Variants in CNTN5 observed in about 807,000 individuals in gnomAD.
The protein encoded by CNTN5 is contactin-5.
CNTN5 carries 77 observed loss-of-function variants against 129.1 expected under a neutral mutation model. That is an observed-to-expected ratio of 0.60 (90% CI 0.50 to 0.72). The LOEUF (loss-of-function observed/expected upper bound fraction) is 0.72, where lower values mean the gene tolerates loss of function less well. Among genes scored for constraint, CNTN5 ranks in the 30% least tolerant of loss-of-function variants. The pLI is 0.00. For missense variants in CNTN5, 1,478 were observed against 1,328.8 expected (o/e 1.11, Z -1.75); for synonymous variants, 509 against 465.6 (o/e 1.09, Z -1.20).
intron 1 of CNTN5, among the ~76,000 whole-genome samples, chr11:99,245,027 T>A (rs1861745963): frequency 6.6e-6 from 1 of 152,214 alleles, no homozygotes; most frequent in Admixed American, 6.5e-5. Context: ...AAAATATACT[T>A]GCAAGATTAG....
intron 1 of CNTN5, among the ~76,000 whole-genome samples, chr11:99,076,640 T>A: frequency 6.6e-6 from 1 of 152,160 alleles, no homozygotes; most frequent in East Asian, 1.9e-4. Context: ...TGTCATCCTA[T>A]AGATATATTC....
chr11:100,001,514 G>A (rs1253871346), intron 8 of CNTN5, among the ~76,000 whole-genome samples: 1 of 152,162 alleles, frequency 6.6e-6, no homozygotes, highest in Non-Finnish European at 1.5e-5. Flanking sequence ...TTGATAGATA[G>A]CTTTTCTCCC....
At chr11:99,714,507 G>A (rs779096476) in intron 3 of CNTN5, among the ~76,000 whole-genome samples, 21 of 152,038 alleles carry the variant, frequency 1.4e-4, no homozygotes, top group Non-Finnish European at 1.6e-4. Flanking sequence ...TTGGATAAGA[G>A]AAAGAAGAAA....
At chr11:100,195,650 TA>T (rs1205778700) in intron 15 of CNTN5, among the ~76,000 whole-genome samples, 1 of 151,954 alleles carries the variant, frequency 6.6e-6, no homozygotes, top group Non-Finnish European at 1.5e-5. Context: ...CATTTAGCTT[TA>T]AGGTATAAAG....
chr11:100,207,018 T>C (rs892574067), intron 15 of CNTN5, among the ~76,000 whole-genome samples: 1 of 152,144 alleles, frequency 6.6e-6, no homozygotes. Context: ...GTGATAACTT[T>C]GTTCACTTTG....
intron 1 of CNTN5, among the ~76,000 whole-genome samples, chr11:99,121,138 T>TCTTACTTTCTTTC (rs201431995): frequency 2.0e-5 from 3 of 146,816 alleles, no homozygotes; most frequent in Non-Finnish European, 3.0e-5. Context: ...TTTCTTTCTT[T>TCTTACTTTCTTTC]TTTTTTTTTT....
intron 13 of CNTN5, among the ~76,000 whole-genome samples, chr11:100,160,785 CTTCA>C (rs980633973): frequency 2.9e-4 from 44 of 151,980 alleles, no homozygotes; most frequent in African/African-American, 1.0e-3. Flanking sequence ...ATATTCATTA[CTTCA>C]TTCAATCTTT....
chr11:99,855,333 A>G (rs1947999469), intron 6 of CNTN5, among the ~76,000 whole-genome samples: 1 of 152,130 alleles, frequency 6.6e-6, no homozygotes, highest in Non-Finnish European at 1.5e-5. Flanking sequence ...CAACAACAAC[A>G]ACAAAACTTT....
intron 4 of CNTN5, among the ~76,000 whole-genome samples, chr11:99,836,083 T>C (rs1443176683): frequency 6.7e-6 from 1 of 150,176 alleles, no homozygotes; most frequent in Non-Finnish European, 1.5e-5. Context: ...TATTCCTTGA[T>C]TATATGCTAA....
chr11:100,028,591 C>G (rs1941545247), intron 9 of CNTN5, among the ~76,000 whole-genome samples: 1 of 152,198 alleles, frequency 6.6e-6, no homozygotes, highest in South Asian at 2.1e-4. Flanking sequence ...CCATCCAAGA[C>G]ACAGTCCATT....
At chr11:99,728,166 A>G (rs1187210060) in intron 3 of CNTN5, among the ~76,000 whole-genome samples, 1 of 152,144 alleles carries the variant, frequency 6.6e-6, no homozygotes, top group East Asian at 1.9e-4. Context: ...AGATTTCAAT[A>G]TATGTTTAGA....
chr11:99,662,671 CATT>C (rs1489185709), intron 3 of CNTN5, among the ~76,000 whole-genome samples: 1 of 152,170 alleles, frequency 6.6e-6, no homozygotes, highest in African/African-American at 2.4e-5. Flanking sequence ...TATTTAGCAT[CATT>C]ATATTCTAAT....
rs542028222 is a variant in CNTN5, at chr11:99,788,170, C to T, written c.56-31374C>T. Among the ~76,000 whole-genome samples, 4 of 151,978 alleles carry T rather than the reference C, an allele frequency of 2.6e-5. No homozygotes were observed. In the South Asian group the frequency reaches 6.2e-4, roughly 24 times the overall value. ...ATCTTCCTCATATAGAAAGTTTTTA[C>T]GATTTTCCGTGATGTTACCTATTTT... On this transcript the variant is annotated intron_variant, in intron 3 of 24. Coordinates refer to ENST00000524871, the MANE Select transcript of CNTN5 (RefSeq NM_014361.4).
chr11:99,929,703 T>G (rs925522889), intron 7 of CNTN5, among the ~76,000 whole-genome samples: 2 of 152,166 alleles, frequency 1.3e-5, no homozygotes, highest in African/African-American at 2.4e-5. Context: ...ACTGCCCCCG[T>G]GATTAAATTA....
intron 2 of CNTN5, among the ~76,000 whole-genome samples, chr11:99,368,646 T>C (rs913121770): frequency 1.3e-5 from 2 of 152,132 alleles, no homozygotes; most frequent in Non-Finnish European, 2.9e-5. Context: ...ACACATATAA[T>C]TATCGTAAGA....
chr11:99,950,146 G>A (rs962949643), intron 7 of CNTN5, among the ~76,000 whole-genome samples: 7 of 152,106 alleles, frequency 4.6e-5, no homozygotes, highest in East Asian at 1.9e-4. Flanking sequence ...CATATGACAA[G>A]TATTCTCTTT....
chr11:99,831,614 C>CT (rs140240463), intron 4 of CNTN5, among the ~76,000 whole-genome samples: 8,591 of 148,794 alleles, frequency 0.058, 304 homozygotes, highest in Middle Eastern at 0.1. Flanking sequence ...GTGACCATAA[C>CT]TTTTTTTTTT....
At chr11:99,195,316 G>A (rs1004554826) in intron 1 of CNTN5, among the ~76,000 whole-genome samples, 1 of 152,074 alleles carries the variant, frequency 6.6e-6, no homozygotes, top group Middle Eastern at 3.4e-3. Context: ...AACTAACTTT[G>A]TACTAACATT....
At chr11:99,699,721 T>C (rs980739230) in intron 3 of CNTN5, among the ~76,000 whole-genome samples, 9 of 151,526 alleles carry the variant, frequency 5.9e-5, no homozygotes, top group Non-Finnish European at 1.2e-4. Flanking sequence ...TGAAGAGCTT[T>C]AAACACCTCA....
Sources: gnomAD v4.1 joint callset for allele counts (sites outside exome capture counted in the v4.1 genomes callset) on GRCh38, gnomAD v4.1.1 for gene constraint, MANE v1.5 for transcripts, NCBI Gene and HGNC (gene_info 2026-07-23, HGNC 2026-07-21) for gene names.